Variants in DCC observed in about 807,000 individuals in gnomAD.
DCC encodes the protein netrin receptor DCC.
DCC carries 58 observed loss-of-function variants against 172.5 expected under a neutral mutation model. That is an observed-to-expected ratio of 0.34 (90% confidence interval 0.27 to 0.42). The LOEUF (loss-of-function observed/expected upper bound fraction) is 0.42, where lower values mean the gene tolerates loss of function less well. Among genes scored for constraint, DCC ranks in the 10% least tolerant of loss-of-function variants. DCC has a pLI of 1.00. For synonymous variants in DCC, 709 were observed against 644.5 expected (o/e 1.10, Z -1.52); for missense variants, 1,740 against 1,791.0 (o/e 0.97, Z 0.51).
intron 15 of DCC, among the ~76,000 whole-genome samples, chr18:53,362,238 C>G (rs896567421): frequency 1.3e-5 from 2 of 152,114 alleles, no homozygotes; most frequent in Admixed American, 1.3e-4. Flanking sequence ...TGTTGAATCA[C>G]ATACAGAAAT....
At chr18:53,179,194 C>G in intron 9 of DCC, 78 bp downstream of exon 9, 1 of 1,424,052 alleles carries the variant, frequency 7.0e-7, no homozygotes, top group Non-Finnish European at 9.7e-7. Context: ...TTTCACAGAA[C>G]CTTTGCGAAG....
intron 15 of DCC, among the ~76,000 whole-genome samples, chr18:53,345,118 T>A (rs907816631): frequency 6.6e-6 from 1 of 151,534 alleles, no homozygotes; most frequent in Middle Eastern, 3.4e-3. Context: ...CAAGAATCCA[T>A]AATTTAATAT....
intron 1 of DCC, among the ~76,000 whole-genome samples, chr18:52,679,310 T>C (rs1003932430): frequency 5.3e-5 from 8 of 152,010 alleles, no homozygotes; most frequent in African/African-American, 1.9e-4. Flanking sequence ...CACCAAGCAC[T>C]AGGAGGCCAT....
intron 1 of DCC, among the ~76,000 whole-genome samples, chr18:52,629,250 A>C (rs951022695): frequency 1.3e-5 from 2 of 152,156 alleles, no homozygotes; most frequent in African/African-American, 4.8e-5. Flanking sequence ...GATGAACTTT[A>C]TATCTGTTGC....
rs541828524 is a variant in DCC, at chr18:52,950,270, C to T, written c.985+24900C>T. On this transcript the variant is annotated intron_variant, in intron 5 of 28. Coordinates refer to ENST00000442544, the MANE Select transcript of DCC (RefSeq NM_005215.4). The stretch of plus-strand genomic sequence containing the variant: ...ACTCTCTCTTAATTGAAAACAAACT[C>T]TAATTTCTGGACTTACTCTCTCTGT... Among the ~76,000 whole-genome samples the T allele has an allele frequency of 6.2e-4, 94 of 152,296 alleles. 3 individuals carry two copies. The South Asian group carries it at 0.019, about 31-fold the overall frequency.
chr18:53,407,628 T>C (rs1909751424), intron 19 of DCC, among the ~76,000 whole-genome samples: 2 of 148,276 alleles, frequency 1.3e-5, no homozygotes, highest in South Asian at 4.2e-4. Flanking sequence ...AAGGCAAATA[T>C]TTCATATATA....
At chr18:53,000,021 A>T (rs1412801111) in intron 5 of DCC, among the ~76,000 whole-genome samples, 1 of 152,054 alleles carries the variant, frequency 6.6e-6, no homozygotes, top group Non-Finnish European at 1.5e-5. Context: ...GCCAAACATC[A>T]ACCACCACCA....
chr18:53,005,854 G>A (rs572395997), intron 5 of DCC, among the ~76,000 whole-genome samples: 2 of 152,234 alleles, frequency 1.3e-5, no homozygotes, highest in Admixed American at 6.5e-5. Flanking sequence ...CTATACCTTT[G>A]CTTCGCTTAT....
chr18:52,770,600 A>G (rs2037324893), intron 2 of DCC, among the ~76,000 whole-genome samples: 1 of 151,874 alleles, frequency 6.6e-6, no homozygotes, highest in Admixed American at 6.6e-5. Flanking sequence ...GTCCTACCAG[A>G]GTCATGGGCA....
At chr18:52,914,664 A>AGAG (rs2040015879) in intron 3 of DCC, among the ~76,000 whole-genome samples, 1 of 6,558 alleles carries the variant, frequency 1.5e-4, no homozygotes. Flanking sequence ...ACACAGAGTT[A>AGAG]GGAGTTTCAT....
chr18:53,427,452 C>T (rs533494599), intron 21 of DCC, among the ~76,000 whole-genome samples: 2 of 152,072 alleles, frequency 1.3e-5, no homozygotes, highest in East Asian at 1.9e-4. Flanking sequence ...TCATTCCTAA[C>T]TTGCATGAAT....
At chr18:52,652,824 C>G (rs1265757077) in intron 1 of DCC, among the ~76,000 whole-genome samples, 1 of 151,166 alleles carries the variant, frequency 6.6e-6, no homozygotes, top group Non-Finnish European at 1.5e-5. Flanking sequence ...TTGCCTTCAT[C>G]AGGGGACTGG....
intron 1 of DCC, among the ~76,000 whole-genome samples, chr18:52,714,404 A>G (rs1353171082): frequency 6.6e-6 from 1 of 152,240 alleles, no homozygotes; most frequent in African/African-American, 2.4e-5. Context: ...GCAAGAAAGA[A>G]TGAAGCAATT....
intron 14 of DCC, among the ~76,000 whole-genome samples, chr18:53,329,128 AATATT>A (rs2057502861): frequency 6.6e-6 from 1 of 152,210 alleles, no homozygotes; most frequent in Admixed American, 6.5e-5. Flanking sequence ...TTTTTAAAAA[AATATT>A]ATAGGAATAT....
At chr18:52,532,753 C>T (rs932468024) in intron 1 of DCC, among the ~76,000 whole-genome samples, 3 of 151,960 alleles carry the variant, frequency 2.0e-5, no homozygotes, top group Non-Finnish European at 2.9e-5. Flanking sequence ...TTCTGAGGGC[C>T]ACCTTCCCAA....
intron 7 of DCC, among the ~76,000 whole-genome samples, chr18:53,120,355 G>A (rs761324587): frequency 1.3e-5 from 2 of 151,420 alleles, no homozygotes; most frequent in Non-Finnish European, 3.0e-5. Context: ...TTTTTATTTG[G>A]CATAGGTTTT....
chr18:52,998,861 T>C (rs1270824928), intron 5 of DCC, among the ~76,000 whole-genome samples: 2 of 151,998 alleles, frequency 1.3e-5, no homozygotes, highest in Non-Finnish European at 2.9e-5. Flanking sequence ...CTGTCTGGAG[T>C]ACAAAACTGA....
intron 2 of DCC, among the ~76,000 whole-genome samples, chr18:52,891,273 G>A (rs1466493498): frequency 1.3e-5 from 2 of 151,996 alleles, no homozygotes; most frequent in Non-Finnish European, 2.9e-5. Context: ...CTACTAGACA[G>A]GCAGCTCCCT....
At chr18:53,141,243 G>A (rs980353187) in intron 7 of DCC, among the ~76,000 whole-genome samples, 13 of 152,140 alleles carry the variant, frequency 8.5e-5, no homozygotes, top group Non-Finnish European at 1.9e-4. Flanking sequence ...CTAAAAAATA[G>A]TGAAATGATT....
Sources: allele counts gnomAD v4.1 joint callset (sites outside exome capture counted in the v4.1 genomes callset), GRCh38; gene constraint gnomAD v4.1.1; transcripts MANE v1.5; gene names NCBI Gene and HGNC (gene_info 2026-07-23, HGNC 2026-07-21).